PRSS23: variants seen among roughly 807,000 people sequenced by gnomAD.
PRSS23 encodes the protein serine protease 23, also known as protease, serine 23.
In PRSS23, 25 loss-of-function variants were observed where a neutral mutation model predicts 34.7. The ratio of observed to expected loss-of-function variants is 0.72; its 90% CI spans 0.53 to 1.01. The LOEUF (loss-of-function observed/expected upper bound fraction) is 1.01, where lower values mean the gene tolerates loss of function less well. Among genes scored for constraint, PRSS23 ranks in the 50% least tolerant of loss-of-function variants. The probability of loss-of-function intolerance (pLI) is 0.00; values close to 1 mark genes in which losing one functional copy is unlikely to be tolerated. For missense variants in PRSS23, 445 were observed against 475.6 expected (o/e 0.94, Z 0.60); for synonymous variants, 176 against 186.6 (o/e 0.94, Z 0.46).
exon 3 of PRSS23, chr11:86,952,337 G>C (rs1459671601): frequency 6.2e-7 from 1 of 1,614,078 alleles, no homozygotes; most frequent in Non-Finnish European, 8.5e-7. Flanking sequence ...CAGACTCTCT[G>C]GCCAGGCAAA....
chr11:86,834,166 CT>C (rs1383210100), intron 2 of PRSS23, among the ~76,000 whole-genome samples: 6 of 152,236 alleles, frequency 3.9e-5, no homozygotes, highest in Non-Finnish European at 8.8e-5. Context: ...CCCTGACCAT[CT>C]GCTTAATAGT....
chr11:86,886,470 G>C (rs556153665), intron 2 of PRSS23, among the ~76,000 whole-genome samples: 1 of 152,306 alleles, frequency 6.6e-6, no homozygotes, highest in African/African-American at 2.4e-5. Context: ...CTGTACTGCA[G>C]CTCAGTTTCT....
chr11:86,919,143 C>T (rs1949032235), intron 2 of PRSS23, among the ~76,000 whole-genome samples: 1 of 152,176 alleles, frequency 6.6e-6, no homozygotes. Flanking sequence ...TTCCCATCCC[C>T]AAGCAGCGGG....
intron 2 of PRSS23, among the ~76,000 whole-genome samples, chr11:86,900,425 A>T (rs1488285811): frequency 6.6e-6 from 1 of 152,170 alleles, no homozygotes; most frequent in African/African-American, 2.4e-5. Flanking sequence ...TATCTGATCC[A>T]TTCTGCACAC....
chr11:86,907,748 C>A (rs1341065391), intron 2 of PRSS23, among the ~76,000 whole-genome samples: 1 of 152,230 alleles, frequency 6.6e-6, no homozygotes, highest in African/African-American at 2.4e-5. Context: ...GTGTGAGCCA[C>A]CACGCTGGCC....
chr11:86,889,976 TC>T (rs1314600456), intron 2 of PRSS23, among the ~76,000 whole-genome samples: 1 of 152,126 alleles, frequency 6.6e-6, no homozygotes, highest in East Asian at 1.9e-4. Flanking sequence ...TTTTAAAAGT[TC>T]CCCAGTTGAG....
At chr11:86,903,505 CG>C (rs1948924086) in intron 2 of PRSS23, among the ~76,000 whole-genome samples, 2 of 120,702 alleles carry the variant, frequency 1.7e-5, no homozygotes, top group South Asian at 5.3e-4. Context: ...TTTTTTGAGA[CG>C]GAGTCTCGCT....
chr11:86,897,859 C>A (rs1434644992), intron 2 of PRSS23, among the ~76,000 whole-genome samples: 2 of 152,162 alleles, frequency 1.3e-5, no homozygotes, highest in Non-Finnish European at 2.9e-5. Context: ...TCTCCTTTTT[C>A]TTATTTCTGT....
intron 2 of PRSS23, among the ~76,000 whole-genome samples, chr11:86,901,834 C>G (rs557924721): frequency 3.3e-5 from 5 of 152,240 alleles, no homozygotes; most frequent in African/African-American, 9.6e-5. Context: ...AAGACAATTT[C>G]CAGTCATTCC....
chr11:86,923,074 C>T (rs939443638), intron 2 of PRSS23, among the ~76,000 whole-genome samples: 7 of 151,492 alleles, frequency 4.6e-5, no homozygotes, highest in Non-Finnish European at 4.4e-5. Flanking sequence ...TGATATATCA[C>T]ATACATCGGG....
chr11:86,811,414 T>A (rs1419484258), downstream of PRSS23, among the ~76,000 whole-genome samples: 1 of 152,202 alleles, frequency 6.6e-6, no homozygotes, highest in Non-Finnish European at 1.5e-5. Flanking sequence ...TTGGAAATCT[T>A]CACAGCGTGA....
At chr11:86,805,751 G>C (rs1948093564) in intron 1 of PRSS23, among the ~76,000 whole-genome samples, 1 of 152,174 alleles carries the variant, frequency 6.6e-6, no homozygotes, top group Non-Finnish European at 1.5e-5. Context: ...ATGAGAATGG[G>C]CATGCTCAGC....
chr11:86,880,608 C>A (rs1264672123), intron 2 of PRSS23, among the ~76,000 whole-genome samples: 1 of 152,054 alleles, frequency 6.6e-6, no homozygotes, highest in East Asian at 1.9e-4. Context: ...AGGTTTCAAG[C>A]CCTGCATTAG....
chr11:86,798,696 G>C (rs1302878555), upstream of PRSS23, among the ~76,000 whole-genome samples: 1 of 152,140 alleles, frequency 6.6e-6, no homozygotes, highest in Non-Finnish European at 1.5e-5. Flanking sequence ...ATCTGGTTTT[G>C]TGTCTGTGTG....
intron 2 of PRSS23, chr11:86,837,633 A>C (rs1395908220): frequency 1.3e-5 from 2 of 152,188 alleles, no homozygotes; most frequent in South Asian, 4.1e-4. Context: ...TAAGCATGGC[A>C]GCATGCACCT....
At chr11:86,859,441 A>G (rs1948597249) in intron 2 of PRSS23, among the ~76,000 whole-genome samples, 1 of 151,986 alleles carries the variant, frequency 6.6e-6, no homozygotes, top group South Asian at 2.1e-4. Flanking sequence ...GAAGAGGCTT[A>G]TATTACTCCC....
intron 2 of PRSS23, among the ~76,000 whole-genome samples, chr11:86,925,352 C>T (rs1297328410): frequency 6.6e-6 from 1 of 151,594 alleles, no homozygotes; most frequent in Non-Finnish European, 1.5e-5. Flanking sequence ...TATATGCATG[C>T]CCTAGTCTGG....
Position 86,807,998 on chromosome 11 carries a change from G to A in PRSS23, c.355G>A (p.Gly119Arg). ...SGDGAQHRDS[G>R]SSGKSRRKRQ... ...AGATGGGGCCCAACACCGAGACTCA[G>A]GGTCTTCAGGAAAGTCTCGAAGGAA... Residue 119 changes from glycine to arginine, a missense_variant, in exon 2 of 2, where the codon GGG becomes AGG. Gly to Arg is a moderately radical substitution (Grantham distance 125). Transcript: ENST00000280258. 2 of 1,614,084 alleles carry A rather than the reference G, an allele frequency of 1.2e-6. No individual in the cohort carries two copies. Among genetic ancestry groups the A allele is most frequent in the Non-Finnish European group, 1.7e-6 (2 of 1,180,020 alleles).
At chr11:86,862,044 A>AT (rs1245934880) in intron 2 of PRSS23, among the ~76,000 whole-genome samples, 1 of 151,518 alleles carries the variant, frequency 6.6e-6, no homozygotes, top group African/African-American at 2.4e-5. Context: ...CCCTTGTGGT[A>AT]TTGTTTGTAA....
Sources: allele counts gnomAD v4.1 joint callset (sites outside exome capture counted in the v4.1 genomes callset), GRCh38; gene constraint gnomAD v4.1.1; transcripts MANE v1.5; gene names NCBI Gene and HGNC (gene_info 2026-07-23, HGNC 2026-07-21).